Variants in CEMIP observed in about 807,000 individuals in gnomAD.
CEMIP encodes cell migration-inducing and hyaluronan-binding protein.
In CEMIP, 105 loss-of-function variants were observed where a neutral mutation model predicts 156.9. The observed-to-expected ratio is 0.67, with a 90% CI of 0.57 to 0.79. The LOEUF is 0.79. CEMIP is among the 30% of genes least tolerant of loss of function. The pLI is 0.00. For synonymous variants in CEMIP, 676 were observed against 668.4 expected, an observed-to-expected ratio of 1.01 and a Z score of -0.17; for missense variants, 1,457 against 1,769.4, an observed-to-expected ratio of 0.82 and a Z score of 3.17.
chr15:80,847,980 C>T (rs953508249), intron 1 of CEMIP, among the ~76,000 whole-genome samples: 5 of 152,222 alleles, frequency 3.3e-5, no homozygotes, highest in Non-Finnish European at 7.3e-5. Context: ...TGCATCTCCT[C>T]CTCAAATGCC....
chr15:80,904,357 T>C (rs972438586), intron 12 of CEMIP, among the ~76,000 whole-genome samples: 1 of 152,126 alleles, frequency 6.6e-6, no homozygotes, highest in Non-Finnish European at 1.5e-5. Context: ...CACCACTGCA[T>C]TCCAGCCTGG....
intron 1 of CEMIP, among the ~76,000 whole-genome samples, chr15:80,821,761 C>G (rs1047571358): frequency 1.3e-5 from 2 of 152,156 alleles, no homozygotes; most frequent in African/African-American, 2.4e-5. Context: ...GCCCATGGGC[C>G]ATGGAACAAA....
At chr15:80,890,777 C>A (rs1899011194) in intron 10 of CEMIP, among the ~76,000 whole-genome samples, 1 of 152,164 alleles carries the variant, frequency 6.6e-6, no homozygotes, top group African/African-American at 2.4e-5. Context: ...CCATCCTGGG[C>A]AGAACTTCTA....
intron 29 of CEMIP, chr15:80,948,514 G>T (rs1164614041): frequency 2.1e-5 from 10 of 476,382 alleles, no homozygotes; most frequent in Middle Eastern, 6.0e-4. Context: ...CTCCCTTACA[G>T]TTTGCCCCAT....
rs118158926 is a variant in CEMIP at position 80,874,309 on chromosome 15, T to C, written c.94+336T>C. On this transcript the variant is annotated intron_variant, in intron 3 of 29. Transcript: ENST00000394685. ...GAGACCCTTCTAAAGGGAAACACTG[T>C]TCTCACTTCTAGCCAATCGCTACTG... Among the ~76,000 whole-genome samples, 610 of 152,356 alleles carry C rather than the reference T, an allele frequency of 4.0e-3. 4 individuals are homozygous for C. The highest frequency in any genetic ancestry group is 7.2e-3 in the Non-Finnish European group (489 of 68,028).
rs1261048050 is a variant in CEMIP at position 80,948,865 on chromosome 15, C to T, written c.4027C>T (p.His1343Tyr). Reference protein sequence around the residue: ...PIWVTLDTEDHKAKIFQVVPI... With the variant: ...PIWVTLDTEDYKAKIFQVVPI... ...CTGGGTGACACTGGACACTGAGGAT[C>T]ACAAAGCCAAAATCTTCCAAGTTGT... is the stretch of plus-strand genomic sequence containing the variant. Residue 1343 changes from histidine (H) to tyrosine (Y), a missense_variant, in exon 30 of 30, where the codon CAC (histidine) becomes TAC (tyrosine). By Grantham distance (83) the His-to-Tyr change is moderately conservative. Coordinates refer to ENST00000394685, the MANE Select transcript of CEMIP (RefSeq NM_001293298.2). 2.5e-6 allele frequency: 4 copies of T among 1,614,082 alleles called. No individual in the cohort carries two copies. Among genetic ancestry groups the T allele is most frequent in the African/African-American group, 1.3e-5 (1 of 74,930 alleles).
Position 80,906,926 on chromosome 15 carries a change from A to T in CEMIP, c.1587+88A>T. Reference sequence around the variant, plus strand: ...TAGACGGGCCTTCTTGGTAGGGATGAGGGTGGGGGAACAGGAGGTGGGATC... The same window carrying T: ...TAGACGGGCCTTCTTGGTAGGGATGTGGGTGGGGGAACAGGAGGTGGGATC... On this transcript the variant is annotated intron_variant, in intron 13 of 29. Coordinates refer to ENST00000394685, the MANE Select transcript of CEMIP (RefSeq NM_001293298.2). This position sits in a 1 kb window ranked among gnomAD's most constrained non-coding sequence, Gnocchi z 4.3. The T allele has an allele frequency of 3.5e-6, 5 of 1,409,694 alleles. No individual in the cohort carries two copies. The highest frequency in any genetic ancestry group is 4.9e-6 in the Non-Finnish European group (5 of 1,020,046). The allele number at this position is 1,409,694 out of a possible 1,614,324, so 87.3% of individuals were successfully genotyped here.
At chr15:80,826,743 C>T (rs555063889) in intron 1 of CEMIP, among the ~76,000 whole-genome samples, 2 of 152,200 alleles carry the variant, frequency 1.3e-5, no homozygotes, top group African/African-American at 4.8e-5. Flanking sequence ...ATTTGGCCTT[C>T]CAGGGATGGA....
intron 1 of CEMIP, among the ~76,000 whole-genome samples, chr15:80,859,073 C>G (rs1454180673): frequency 6.6e-6 from 1 of 152,234 alleles, no homozygotes; most frequent in Non-Finnish European, 1.5e-5. Context: ...GTAGTTCCAG[C>G]CAATGTCCCT....
intron 6 of CEMIP, among the ~76,000 whole-genome samples, chr15:80,883,333 A>G (rs1898727301): frequency 6.6e-6 from 1 of 152,212 alleles, no homozygotes; most frequent in African/African-American, 2.4e-5. Context: ...TTTTACGTGT[A>G]TGAGGGCAGG....
chr15:80,917,528 G>A (rs925497443), intron 14 of CEMIP, among the ~76,000 whole-genome samples: 1 of 152,128 alleles, frequency 6.6e-6, no homozygotes. Context: ...CAAACTTTTA[G>A]GGCTTAATAG....
rs535519363 is a variant in CEMIP at position 80,892,521 on chromosome 15, G to C, written c.1087-2469G>C. Among the ~76,000 whole-genome samples the C allele has an allele frequency of 2.0e-5, 3 of 152,294 alleles. No individual in the cohort carries two copies. In the East Asian group the frequency reaches 5.8e-4, roughly 29 times the overall value. ...TTTCCTTGGGGACATCAGGCAGTCT[G>C]TGTGTTCCCCACAGCAGCTGGTGCA... On this transcript the variant is annotated intron_variant, in intron 10 of 29. Coordinates refer to ENST00000394685, the MANE Select transcript of CEMIP (RefSeq NM_001293298.2).
intron 10 of CEMIP, among the ~76,000 whole-genome samples, chr15:80,894,709 G>A (rs754129845): frequency 1.2e-4 from 18 of 152,278 alleles, no homozygotes; most frequent in East Asian, 5.8e-4. Context: ...TAAATGCTCC[G>A]TAAAATGTTC....
intron 1 of CEMIP, among the ~76,000 whole-genome samples, chr15:80,850,865 C>T (rs778505086): frequency 2.2e-4 from 33 of 152,148 alleles, no homozygotes; most frequent in Non-Finnish European, 4.0e-4. Flanking sequence ...GATTGAGAAA[C>T]GAAATTCTGA....
intron 1 of CEMIP, among the ~76,000 whole-genome samples, chr15:80,790,799 C>T (rs533758513): frequency 2.0e-5 from 3 of 152,294 alleles, no homozygotes; most frequent in South Asian, 2.1e-4. Context: ...ATCATTGACC[C>T]GCCCATTCTT....
At chr15:80,826,021 C>G (rs999598094) in intron 1 of CEMIP, among the ~76,000 whole-genome samples, 1 of 152,204 alleles carries the variant, frequency 6.6e-6, no homozygotes, top group Non-Finnish European at 1.5e-5. Context: ...CAAATTGTTA[C>G]TTAGGAACTT....
intron 1 of CEMIP, among the ~76,000 whole-genome samples, chr15:80,786,320 C>T (rs1567046981): frequency 6.6e-6 from 1 of 152,076 alleles, no homozygotes; most frequent in African/African-American, 2.4e-5. Flanking sequence ...CCCTGCAGCC[C>T]CAACCTCCTA....
chr15:80,841,997 C>T (rs576905175), intron 1 of CEMIP: 58 of 438,404 alleles, frequency 1.3e-4, no homozygotes, highest in South Asian at 1.0e-3. Context: ...ATATTAAGAG[C>T]TCATCCATAG....
chr15:80,894,545 G>A lies in CEMIP; in HGVS notation c.1087-445G>A, dbSNP rs116458438. 4.0e-3 allele frequency among the ~76,000 whole-genome samples: 616 copies of A among 152,278 alleles called. 7 individuals carry two copies. Among genetic ancestry groups the A allele is most frequent in the African/African-American group, 0.014 (586 of 41,560 alleles). On this transcript the variant is annotated intron_variant, in intron 10 of 29. Coordinates refer to ENST00000394685, the MANE Select transcript of CEMIP (RefSeq NM_001293298.2). Reference sequence around the variant, plus strand: ...GACACAATCAAATCTGAGGCTCCGAGGATGGGGACTGGGCATGAGTATTTT... The same window carrying A: ...GACACAATCAAATCTGAGGCTCCGAAGATGGGGACTGGGCATGAGTATTTT...
Sources: allele counts gnomAD v4.1 joint callset (sites outside exome capture counted in the v4.1 genomes callset), GRCh38; gene constraint gnomAD v4.1.1; non-coding constraint Gnocchi (gnomAD v3.1); transcripts MANE v1.5; gene names NCBI Gene and HGNC (gene_info 2026-07-23, HGNC 2026-07-21).